Variants in PARD6B observed in about 807,000 individuals in gnomAD.
The protein encoded by PARD6B is partitioning defective 6 homolog beta.
Under a neutral mutation model 10.5 loss-of-function variants are expected in PARD6B, and 4 were observed. That is an observed-to-expected ratio of 0.38 (90% CI 0.19 to 0.87). The LOEUF is 0.87. PARD6B is among the 40% of genes least tolerant of loss of function. PARD6B has a pLI of 0.41. For synonymous variants in PARD6B, 169 were observed against 170.4 expected (o/e 0.99, Z 0.07); for missense variants, 396 against 470.6 (o/e 0.84, Z 1.47).
intron 2 of PARD6B, among the ~76,000 whole-genome samples, chr20:50,738,977 T>C (rs1226086882): frequency 6.6e-6 from 1 of 150,982 alleles, no homozygotes; most frequent in Non-Finnish European, 1.5e-5. Flanking sequence ...TCTCGTAGCC[T>C]TTGTGTGTGT....
At chr20:50,745,727 A>G (rs6126087) in intron 2 of PARD6B, among the ~76,000 whole-genome samples, 116,114 of 152,080 alleles carry the variant, frequency 0.76, 45,346 homozygotes, top group African/African-American at 0.93. Flanking sequence ...GGCTGGTCTT[A>G]AACTACTAAG....
chr20:50,740,245 A>G (rs960209240), intron 2 of PARD6B, among the ~76,000 whole-genome samples: 2 of 152,220 alleles, frequency 1.3e-5, no homozygotes, highest in African/African-American at 4.8e-5. Flanking sequence ...GGAAAGCTAT[A>G]TATAGAGTGC....
chr20:50,748,288 G>A (rs1033503222), intron 2 of PARD6B, among the ~76,000 whole-genome samples: 4 of 152,254 alleles, frequency 2.6e-5, no homozygotes, highest in Non-Finnish European at 5.9e-5. Context: ...GGGTGGCAGT[G>A]AGCTGAGATC....
chr20:50,732,681 G>A (rs1297934404), intron 1 of PARD6B, among the ~76,000 whole-genome samples: 3 of 152,188 alleles, frequency 2.0e-5, no homozygotes, highest in Non-Finnish European at 4.4e-5. Flanking sequence ...GAGTTGAAGA[G>A]TTAAAAGGAG....
rs1204087211 is a variant in PARD6B at position 50,753,558 on chromosome 20, T to G, written c.*3070T>G. ...GAGCTATGAATTTTCTAATTAAATT[T>G]TACATGCTATAACATGATTTTTACA... On this transcript the variant is annotated 3_prime_UTR_variant, in exon 3 of 3. Coordinates refer to ENST00000371610, the MANE Select transcript of PARD6B (RefSeq NM_032521.3). The G allele has an allele frequency of 1.1e-6, 1 of 878,486 alleles. No individual in the cohort carries two copies. Among genetic ancestry groups the G allele is most frequent in the Non-Finnish European group, 1.4e-6 (1 of 732,390 alleles). The allele number at this position is 878,486 out of a possible 1,614,324, so 54.4% of individuals were successfully genotyped here. A position where few individuals can be genotyped will look rare whatever the true frequency, so the allele number is the denominator to read the frequency against.
At position 50,752,730 on chromosome 20, in the gene PARD6B, C is replaced by G; in HGVS notation, c.*2242C>G. 1 of 981,730 alleles carries G rather than the reference C, an allele frequency of 1.0e-6. No individual in the cohort carries two copies. Among genetic ancestry groups the G allele is most frequent in the Non-Finnish European group, 1.2e-6 (1 of 826,228 alleles). The allele number at this position is 981,730 out of a possible 1,614,324, so 60.8% of individuals were successfully genotyped here. On this transcript the variant is annotated 3_prime_UTR_variant, in exon 3 of 3. Transcript: ENST00000371610. ...GACTCCGCTTTGAAGGATGTTTTCT[C>G]TATATGGTAAAATATATATGAAGAA... is the stretch of plus-strand genomic sequence containing the variant.
chr20:50,731,946 G>A, intron 1 of PARD6B, 94 bp downstream of exon 1: 1 of 1,103,390 alleles, frequency 9.1e-7, no homozygotes, highest in Non-Finnish European at 1.2e-6. Context: ...GGAGGCGACG[G>A]GCTGAGCTGC....
Position 50,752,811 on chromosome 20 carries a change from A to T in PARD6B, c.*2323A>T, listed in dbSNP as rs2087621360. On this transcript the variant is annotated 3_prime_UTR_variant, in exon 3 of 3. Coordinates refer to ENST00000371610, the MANE Select transcript of PARD6B (RefSeq NM_032521.3). Reference sequence around the variant, plus strand: ...GAATACTTCAATGTATTTTGTTCACATTACCACTAAGCATATTATCAGTAA... The same window carrying T: ...GAATACTTCAATGTATTTTGTTCACTTTACCACTAAGCATATTATCAGTAA... The T allele has an allele frequency of 4.1e-6, 4 of 976,364 alleles. No individual in the cohort carries two copies. In the African/African-American group the frequency reaches 5.3e-5, roughly 13 times the overall value. 60.5% of individuals were successfully genotyped at this position (976,364 alleles called of 1,614,324 possible).
At chr20:50,735,094 G>C (rs762301629) in intron 1 of PARD6B, among the ~76,000 whole-genome samples, 5 of 152,148 alleles carry the variant, frequency 3.3e-5, no homozygotes, top group African/African-American at 4.8e-5. Context: ...AGGTTGCAGT[G>C]AGCCGAGATT....
In PARD6B at chr20:50,731,584, C is replaced by G; in HGVS notation, c.-203C>G. On this transcript the variant is annotated 5_prime_UTR_variant, in exon 1 of 3. Coordinates refer to ENST00000371610, the MANE Select transcript of PARD6B (RefSeq NM_032521.3). Reference sequence around the variant, plus strand: ...TTCCCCGCCTGCCGCGCCACCAGTCCGACCCTCGGTCCCGCCGTGTGAGCA... The same window carrying G: ...TTCCCCGCCTGCCGCGCCACCAGTCGGACCCTCGGTCCCGCCGTGTGAGCA... The G allele has an allele frequency of 2.3e-6, 1 of 441,086 alleles. No homozygotes were observed. Among genetic ancestry groups the G allele is most frequent in the Non-Finnish European group, 4.0e-6 (1 of 250,716 alleles). The allele number at this position is 441,086 out of a possible 1,614,324, so 27.3% of individuals were successfully genotyped here. A position where few individuals can be genotyped will look rare whatever the true frequency, so the allele number is the denominator to read the frequency against.
intron 2 of PARD6B, among the ~76,000 whole-genome samples, chr20:50,742,932 A>G (rs2087538729): frequency 6.6e-6 from 1 of 152,222 alleles, no homozygotes; most frequent in African/African-American, 2.4e-5. Flanking sequence ...GAAACCTGGT[A>G]TCTTAAAAGT....
At chr20:50,747,229 T>C (rs1370639741) in intron 2 of PARD6B, among the ~76,000 whole-genome samples, 3 of 152,200 alleles carry the variant, frequency 2.0e-5, no homozygotes, top group Non-Finnish European at 4.4e-5. Flanking sequence ...AAACCTGGGC[T>C]CTAGTTCTTT....
intron 2 of PARD6B, among the ~76,000 whole-genome samples, chr20:50,747,666 T>G (rs763342745): frequency 6.6e-6 from 1 of 152,088 alleles, no homozygotes; most frequent in Non-Finnish European, 1.5e-5. Flanking sequence ...TCATTTTCTG[T>G]TTTACCTCTC....
chr20:50,752,551 C>G lies in PARD6B; in HGVS notation c.*2063C>G. ...TTTTATTGTACAGTGTGCACAAGCA[C>G]AATGGTATGCTTGTATATAGAAACT... On this transcript the variant is annotated 3_prime_UTR_variant, in exon 3 of 3. Coordinates refer to ENST00000371610, the MANE Select transcript of PARD6B (RefSeq NM_032521.3). 2.0e-6 allele frequency: 2 copies of G among 984,578 alleles called. No homozygotes were observed. Among genetic ancestry groups the G allele is most frequent in the Non-Finnish European group, 2.4e-6 (2 of 829,042 alleles). The allele number at this position is 984,578 out of a possible 1,614,324, so 61.0% of individuals were successfully genotyped here.
intron 2 of PARD6B, among the ~76,000 whole-genome samples, chr20:50,743,435 G>A (rs1301740735): frequency 1.3e-5 from 2 of 152,212 alleles, no homozygotes; most frequent in African/African-American, 4.8e-5. Context: ...TTGTGGCCCA[G>A]ATGCTGGTAA....
Position 50,752,943 on chromosome 20 carries a change from T to A in PARD6B, c.*2455T>A. ...TAATGGCATTCCGGCTTTAACATTC[T>A]GTGAGTCTTACAAATTTGACTCTTG... On this transcript the variant is annotated 3_prime_UTR_variant, in exon 3 of 3. Transcript: ENST00000371610. 1.0e-6 allele frequency: 1 copy of A among 983,886 alleles called. No homozygotes were observed. The highest frequency in any genetic ancestry group is 1.2e-6 in the Non-Finnish European group (1 of 828,096). 60.9% of individuals were successfully genotyped at this position (983,886 alleles called of 1,614,324 possible). A position where few individuals can be genotyped will look rare whatever the true frequency, so the allele number is the denominator to read the frequency against.
chr20:50,748,323 G>A (rs536321143), intron 2 of PARD6B, among the ~76,000 whole-genome samples: 3 of 152,240 alleles, frequency 2.0e-5, no homozygotes, highest in Admixed American at 1.3e-4. Flanking sequence ...CAGCCAGGAC[G>A]ACAGAGCGAG....
chr20:50,747,603 C>CA lies in PARD6B; in HGVS notation c.290-2055dup, dbSNP rs781567175. Among the ~76,000 whole-genome samples the CA allele has an allele frequency of 4.8e-5, 7 of 144,664 alleles. No individual in the cohort carries two copies. In the South Asian group the frequency reaches 1.4e-3, roughly 29 times the overall value. 94.9% of individuals were successfully genotyped at this position (144,664 alleles called of 152,430 possible). On this transcript the variant is annotated intron_variant, in intron 2 of 2. Transcript: ENST00000371610. ...TAAATTTCACTTTTTAGTTTATCCTCATTGTAGTTATTTTTGAAAATACTA... is the reference window on the plus strand; with the variant it reads ...TAAATTTCACTTTTTAGTTTATCCTCAATTGTAGTTATTTTTGAAAATACTA...
chr20:50,735,974 T>C (rs1314633099), intron 1 of PARD6B, among the ~76,000 whole-genome samples: 1 of 152,210 alleles, frequency 6.6e-6, no homozygotes, highest in African/African-American at 2.4e-5. Flanking sequence ...TGAGACTAAC[T>C]GATATGAAGG....
Sources: allele counts gnomAD v4.1 joint callset (sites outside exome capture counted in the v4.1 genomes callset), GRCh38; gene constraint gnomAD v4.1.1; transcripts MANE v1.5; gene names NCBI Gene and HGNC (gene_info 2026-07-23, HGNC 2026-07-21).